BICRAL: variants seen among roughly 807,000 people sequenced by gnomAD.
BICRAL encodes the protein BRD4-interacting chromatin-remodeling complex-associated protein-like.
In BICRAL, 8 loss-of-function variants were observed where a neutral mutation model predicts 91.8. The ratio of observed to expected loss-of-function variants is 0.09; its 90% CI spans 0.05 to 0.16. The LOEUF (loss-of-function observed/expected upper bound fraction) is 0.16, where lower values mean the gene tolerates loss of function less well. Among genes scored for constraint, BICRAL ranks in the 10% least tolerant of loss-of-function variants. The pLI is 1.00. For missense variants in BICRAL, 1,038 were observed against 1,310.9 expected (o/e 0.79, Z 3.21); for synonymous variants, 445 against 491.1 (o/e 0.91, Z 1.24).
intron 1 of BICRAL, among the ~76,000 whole-genome samples, chr6:42,789,898 A>G (rs895637147): frequency 3.9e-5 from 6 of 152,188 alleles, no homozygotes; most frequent in African/African-American, 1.4e-4. Flanking sequence ...CACAGCATTC[A>G]AAACAAGTTG....
chr6:42,843,592 A>T (rs577484599), intron 6 of BICRAL, among the ~76,000 whole-genome samples: 18 of 152,316 alleles, frequency 1.2e-4, no homozygotes, highest in Non-Finnish European at 2.2e-4. Context: ...AGGATGACTT[A>T]CAGGTTTCTG....
rs1351121611 is a variant in BICRAL at position 42,868,461 on chromosome 6, G to A, written c.*3015G>A. On this transcript the variant is annotated 3_prime_UTR_variant, in exon 13 of 13. Transcript: ENST00000314073. ...GGATAAATACTGTTAAAAGAAACCAGTCAGTAACTATATTGTTAATCCATG... is the reference window on the plus strand; with the variant it reads ...GGATAAATACTGTTAAAAGAAACCAATCAGTAACTATATTGTTAATCCATG... The A allele has an allele frequency of 2.0e-5, 3 of 152,188 alleles. No individual in the cohort carries two copies. The highest frequency in any genetic ancestry group is 7.3e-5 in the African/African-American group (3 of 41,292). The allele number at this position is 152,188 out of a possible 1,614,324, so 9.4% of individuals were successfully genotyped here.
upstream of BICRAL, among the ~76,000 whole-genome samples, chr6:42,778,343 T>C (rs1762830998): frequency 6.6e-6 from 1 of 152,230 alleles, no homozygotes; most frequent in Admixed American, 6.5e-5. Context: ...TTGGTTCTCC[T>C]GTCTGCCCTT....
At chr6:42,845,477 C>T (rs977868694) in intron 6 of BICRAL, among the ~76,000 whole-genome samples, 1 of 151,600 alleles carries the variant, frequency 6.6e-6, no homozygotes, top group Non-Finnish European at 1.5e-5. Context: ...ATCAGAAACT[C>T]CCCGTAACAT....
intron 1 of BICRAL, among the ~76,000 whole-genome samples, chr6:42,764,011 G>A (rs1178488523): frequency 1.3e-5 from 2 of 151,554 alleles, no homozygotes; most frequent in Admixed American, 1.3e-4. Context: ...GGAGGCCGAG[G>A]CGGGCAGATC....
intron 1 of BICRAL, among the ~76,000 whole-genome samples, chr6:42,756,348 A>G (rs1397895038): frequency 2.0e-5 from 3 of 151,984 alleles, no homozygotes; most frequent in South Asian, 2.1e-4. Context: ...TTCTTTATTC[A>G]TCCCTGATAA....
chr6:42,862,056 G>A (rs1240277148), intron 11 of BICRAL, among the ~76,000 whole-genome samples: 1 of 151,772 alleles, frequency 6.6e-6, no homozygotes, highest in East Asian at 1.9e-4. Context: ...ATTGTTCTCA[G>A]GCAGGTGCGG....
chr6:42,858,376 C>T (rs113830749), intron 10 of BICRAL, among the ~76,000 whole-genome samples: 68 of 150,406 alleles, frequency 4.5e-4, no homozygotes, highest in African/African-American at 1.6e-3. Flanking sequence ...ATTAGCTGGG[C>T]GTGGTGGCAC....
Position 42,864,709 on chromosome 6 carries a change from C to T in BICRAL, c.2503C>T (p.His835Tyr), listed in dbSNP as rs1261855952. 1.9e-6 allele frequency: 3 copies of T among 1,614,000 alleles called. No individual in the cohort carries two copies. The highest frequency in any genetic ancestry group is 2.7e-5 in the African/African-American group (2 of 74,902). Reference protein sequence around the residue: ...CCSFKLDKAAHETQFGRSDQH... With the variant: ...CCSFKLDKAAYETQFGRSDQH... ...TTCCTTCAAACTTGATAAAGCTGCTCATGAGACACAGTTTGGCCGGAGTGA... is the reference window on the plus strand; with the variant it reads ...TTCCTTCAAACTTGATAAAGCTGCTTATGAGACACAGTTTGGCCGGAGTGA... Residue 835 changes from histidine to tyrosine, a missense_variant, in exon 13 of 13, where the codon CAT becomes TAT. By Grantham distance (83) the His-to-Tyr change is moderately conservative. Coordinates refer to ENST00000314073, the MANE Select transcript of BICRAL (RefSeq NM_001393499.1).
intron 1 of BICRAL, among the ~76,000 whole-genome samples, chr6:42,773,614 A>G (rs1458549123): frequency 6.6e-6 from 1 of 152,102 alleles, no homozygotes; most frequent in African/African-American, 2.4e-5. Context: ...TCCTGGGTTC[A>G]AGCGATTCTC....
chr6:42,811,148 A>G (rs1763832489), intron 2 of BICRAL, among the ~76,000 whole-genome samples: 1 of 152,204 alleles, frequency 6.6e-6, no homozygotes. Context: ...GGTATTTTAG[A>G]TATTAGATAT....
rs1219972748 is a variant in BICRAL, at chr6:42,860,434, G to T, written c.2349+78G>T. The T allele has an allele frequency of 5.0e-6, 4 of 798,462 alleles. No individual in the cohort carries two copies. In the African/African-American group the frequency reaches 6.9e-5, roughly 14 times the overall value. 49.5% of individuals were successfully genotyped at this position (798,462 alleles called of 1,614,324 possible). A position where few individuals can be genotyped will look rare whatever the true frequency, so the allele number is the denominator to read the frequency against. ...ACTAAATCAGAGACAGAAAGGTCAA[G>T]GAATTATAGAATATAATGTAAAAGT... On this transcript the variant is annotated intron_variant, in intron 11 of 12. Transcript: ENST00000314073.
At chr6:42,847,814 T>C (rs1199440665) in intron 6 of BICRAL, among the ~76,000 whole-genome samples, 1 of 150,136 alleles carries the variant, frequency 6.7e-6, no homozygotes, top group African/African-American at 2.5e-5. Flanking sequence ...TCCTAGCTAC[T>C]TGGGAGGCTG....
intron 1 of BICRAL, among the ~76,000 whole-genome samples, chr6:42,748,036 T>C (rs1215674671): frequency 6.6e-6 from 1 of 151,320 alleles, no homozygotes; most frequent in Non-Finnish European, 1.5e-5. Context: ...ACTCCCGACC[T>C]CAGGTGATGC....
At chr6:42,821,962 C>T (rs890854029) in intron 2 of BICRAL, 56 bp from the exon 3 acceptor site, 4 of 1,059,746 alleles carry the variant, frequency 3.8e-6, no homozygotes, top group East Asian at 4.8e-5. Context: ...TGCATTGATA[C>T]TACTGTCTTT....
chr6:42,755,955 T>A (rs1762452611), intron 1 of BICRAL, among the ~76,000 whole-genome samples: 1 of 152,060 alleles, frequency 6.6e-6, no homozygotes, highest in South Asian at 2.1e-4. Context: ...ATTACAGGCG[T>A]GAGCCACCGC....
At chr6:42,858,848 A>G (rs1019492448) in intron 10 of BICRAL, among the ~76,000 whole-genome samples, 1 of 152,130 alleles carries the variant, frequency 6.6e-6, no homozygotes, top group Admixed American at 6.6e-5. Context: ...ATAATAATTT[A>G]GAGATAAGAG....
chr6:42,862,661 G>A (rs759234540), intron 12 of BICRAL, 49 bp downstream of exon 12: 10 of 1,063,242 alleles, frequency 9.4e-6, no homozygotes, highest in Non-Finnish European at 1.5e-5. Context: ...CCATGGTTCA[G>A]GGACCATGGG....
chr6:42,777,612 AT>A (rs1204686787), upstream of BICRAL, among the ~76,000 whole-genome samples: 6 of 152,184 alleles, frequency 3.9e-5, no homozygotes, highest in African/African-American at 1.4e-4. Context: ...TCACTACTCA[AT>A]CTCCAGCATT....
Sources: allele counts gnomAD v4.1 joint callset (sites outside exome capture counted in the v4.1 genomes callset), GRCh38; gene constraint gnomAD v4.1.1; transcripts MANE v1.5; gene names NCBI Gene and HGNC (gene_info 2026-07-23, HGNC 2026-07-21).